Variants in TMEM63C observed in about 807,000 individuals in gnomAD.
TMEM63C encodes transmembrane protein 63C, also known as osmosensitive cation channel TMEM63C.
Under a neutral mutation model 99.2 loss-of-function variants are expected in TMEM63C, and 32 were observed. The ratio of observed to expected loss-of-function variants is 0.32; its 90% CI spans 0.24 to 0.43. The LOEUF (loss-of-function observed/expected upper bound fraction) is 0.43, where lower values mean the gene tolerates loss of function less well. Ranked by LOEUF, TMEM63C falls within the 20% of genes least tolerant of loss-of-function variation. The pLI is 1.00. For missense variants in TMEM63C, 826 were observed against 1,053.0 expected (o/e 0.78, Z 2.98); for synonymous variants, 376 against 397.9 (o/e 0.94, Z 0.66).
intron 6 of TMEM63C, among the ~76,000 whole-genome samples, chr14:77,226,385 T>C (rs964144292): frequency 6.6e-6 from 1 of 152,232 alleles, no homozygotes; most frequent in African/African-American, 2.4e-5. Flanking sequence ...ATGCGTTTAC[T>C]GAGCAGCAAT....
chr14:77,188,177 G>T lies in TMEM63C; in HGVS notation c.-77+6283G>T, dbSNP rs1888036318. On this transcript the variant is annotated intron_variant, in intron 1 of 23. Transcript: ENST00000298351. ...ATTCAAATGCTACCTCCTTGATGAA[G>T]CCCTCCCTGGATCTCAGCCAGATGA... Among the ~76,000 whole-genome samples the T allele has an allele frequency of 3.3e-5, 5 of 152,214 alleles. 1 individual carries two copies. The South Asian group carries it at 6.2e-4, about 19-fold the overall frequency.
At chr14:77,204,136 C>T (rs984998672) in intron 1 of TMEM63C, among the ~76,000 whole-genome samples, 1 of 152,232 alleles carries the variant, frequency 6.6e-6, no homozygotes, top group Non-Finnish European at 1.5e-5. Context: ...GGACTTGTTA[C>T]CACGGAGACA....
chr14:77,220,171 G>A, intron 5 of TMEM63C, 84 bp downstream of exon 5: 1 of 1,325,376 alleles, frequency 7.5e-7, no homozygotes, highest in Non-Finnish European at 1.0e-6. Flanking sequence ...ACACGGCTTA[G>A]ACCTTGGGGC....
chr14:77,248,821 T>G lies in TMEM63C; in HGVS notation c.1819T>G (p.Phe607Val). Reference protein sequence around the residue: ...GREYAWMMNVFSVVMAYSITC... With the variant: ...GREYAWMMNVVSVVMAYSITC... ...TGAGTATGCGTGGATGATGAACGTG[T>G]TCAGCGTGGTGATGGCGTACAGCAT... The change falls in exon 20 of 24, where the codon TTC becomes GTC. Residue 607 changes from phenylalanine to valine, a missense_variant. Phe to Val is a conservative substitution (Grantham distance 50). Coordinates refer to ENST00000298351, the MANE Select transcript of TMEM63C (RefSeq NM_020431.4). 6.2e-7 allele frequency: 1 copy of G among 1,614,046 alleles called. No individual in the cohort carries two copies. The highest frequency in any genetic ancestry group is 8.5e-7 in the Non-Finnish European group (1 of 1,179,902).
At chr14:77,254,199 G>A (rs910244951) in intron 23 of TMEM63C, among the ~76,000 whole-genome samples, 4 of 152,128 alleles carry the variant, frequency 2.6e-5, no homozygotes, top group African/African-American at 4.8e-5. Context: ...GAGACAGACC[G>A]GAGCTTGGGG....
chr14:77,182,761 T>C (rs183156629), intron 1 of TMEM63C, among the ~76,000 whole-genome samples: 6 of 152,236 alleles, frequency 3.9e-5, no homozygotes, highest in Non-Finnish European at 8.8e-5. Context: ...CAGGAGAAAA[T>C]TGCTCATGAA....
intron 1 of TMEM63C, among the ~76,000 whole-genome samples, chr14:77,193,272 A>G (rs1888141190): frequency 6.6e-6 from 1 of 152,246 alleles, no homozygotes; most frequent in Non-Finnish European, 1.5e-5. Context: ...TTGTGAGGGT[A>G]TGAGTTGCTG....
intron 7 of TMEM63C, among the ~76,000 whole-genome samples, chr14:77,232,800 A>G (rs1249170246): frequency 6.6e-6 from 1 of 152,230 alleles, no homozygotes; most frequent in East Asian, 1.9e-4. Flanking sequence ...GGTGCAGAAT[A>G]GCACCGTAAA....
intron 1 of TMEM63C, among the ~76,000 whole-genome samples, chr14:77,208,845 A>C (rs1888448386): frequency 6.6e-6 from 1 of 152,220 alleles, no homozygotes; most frequent in Admixed American, 6.5e-5. Context: ...GGCAGAGAGC[A>C]GCAGAAGCAG....
chr14:77,194,527 TTCTTTCTTTCTTTCTTTCTTTCTTTC>T (rs1888175231), intron 1 of TMEM63C, among the ~76,000 whole-genome samples: 1 of 45,358 alleles, frequency 2.2e-5, no homozygotes, highest in African/African-American at 8.4e-5. Context: ...CTTTCTTTCT[TTCTTTCTTTCTTTCTTTCTTTCTTTC>T]TCTTTCTTTC....
chr14:77,202,318 A>C (rs964572979), intron 1 of TMEM63C, among the ~76,000 whole-genome samples: 1 of 151,946 alleles, frequency 6.6e-6, no homozygotes, highest in African/African-American at 2.4e-5. Flanking sequence ...ACACAAACAC[A>C]TTGACAGACA....
intron 1 of TMEM63C, among the ~76,000 whole-genome samples, chr14:77,194,631 T>C (rs1406876120): frequency 6.6e-6 from 1 of 151,638 alleles, no homozygotes; most frequent in African/African-American, 2.4e-5. Context: ...TGGAGCGCAG[T>C]GGCACTATCA....
intron 1 of TMEM63C, among the ~76,000 whole-genome samples, chr14:77,200,128 A>G (rs114632411): frequency 6.6e-6 from 1 of 152,170 alleles, no homozygotes; most frequent in African/African-American, 2.4e-5. Context: ...TTTTTCCATC[A>G]TCTGGCTTCA....
intron 8 of TMEM63C, among the ~76,000 whole-genome samples, chr14:77,235,512 T>G (rs8010168): frequency 2.0e-3 from 4 of 2,042 alleles, no homozygotes; most frequent in Non-Finnish European, 2.4e-3. Flanking sequence ...TGGGTGGCGG[T>G]TATGGGGAGA....
chr14:77,228,027 A>G (rs917914967), intron 6 of TMEM63C, among the ~76,000 whole-genome samples: 1 of 152,180 alleles, frequency 6.6e-6, no homozygotes, highest in African/African-American at 2.4e-5. Flanking sequence ...GGGTGGACGC[A>G]GGTGCATGCA....
intron 9 of TMEM63C, 121 bp from the exon 10 acceptor site, chr14:77,238,573 G>T: frequency 1.3e-6 from 1 of 749,326 alleles, no homozygotes; most frequent in Non-Finnish European, 2.2e-6. Context: ...CAGCAAGGAG[G>T]CACTGGCATC....
At chr14:77,201,318 T>C (rs1373558376) in intron 1 of TMEM63C, among the ~76,000 whole-genome samples, 1 of 152,226 alleles carries the variant, frequency 6.6e-6, no homozygotes, top group Non-Finnish European at 1.5e-5. Flanking sequence ...TGTAGGCACC[T>C]TGAGTTCAGG....
rs375743916 is a variant in TMEM63C at position 77,219,987 on chromosome 14, C to A, written c.231-19C>A. On this transcript the variant is annotated intron_variant, in intron 4 of 23. Coordinates refer to ENST00000298351, the MANE Select transcript of TMEM63C (RefSeq NM_020431.4). ...TTTTCTCTCCTTTCTTACCTCCCTG[C>A]CCCTTCCCTGGCTGGCAGCCTGACC... is the stretch of plus-strand genomic sequence containing the variant. The A allele has an allele frequency of 3.9e-6, 6 of 1,553,022 alleles. No homozygotes were observed. The African/African-American group carries it at 6.8e-5, about 18-fold the overall frequency.
At chr14:77,218,010 A>T (rs1888618005) in intron 2 of TMEM63C, among the ~76,000 whole-genome samples, 1 of 152,184 alleles carries the variant, frequency 6.6e-6, no homozygotes. Flanking sequence ...AAGATCTAGT[A>T]TTTACTAGCA....
Sources: gnomAD v4.1 joint callset for allele counts (sites outside exome capture counted in the v4.1 genomes callset) on GRCh38, gnomAD v4.1.1 for gene constraint, MANE v1.5 for transcripts, NCBI Gene and HGNC (gene_info 2026-07-23, HGNC 2026-07-21) for gene names.